The following GSK3B variants were observed in gnomAD, a reference collection of about 807,000 sequenced individuals.
GSK3B encodes the protein glycogen synthase kinase 3 beta.
GSK3B carries 15 observed loss-of-function variants against 56.4 expected under a neutral mutation model. The ratio of observed to expected loss-of-function variants is 0.27; its 90% CI spans 0.18 to 0.41. The LOEUF (loss-of-function observed/expected upper bound fraction) is 0.41, where lower values mean the gene tolerates loss of function less well. Ranked by LOEUF, GSK3B falls within the 10% of genes least tolerant of loss-of-function variation. The pLI is 1.00. For synonymous variants in GSK3B, 181 were observed against 188.9 expected (o/e 0.96, Z 0.34); for missense variants, 300 against 513.4 (o/e 0.58, Z 4.02).
At chr3:119,873,766 G>A (rs1403564139) in intron 8 of GSK3B, among the ~76,000 whole-genome samples, 1 of 151,992 alleles carries the variant, frequency 6.6e-6, no homozygotes, top group Non-Finnish European at 1.5e-5. Context: ...TTACTTTTTT[G>A]TTTACAATCC....
intron 2 of GSK3B, among the ~76,000 whole-genome samples, chr3:119,974,831 G>A (rs940601568): frequency 7.2e-5 from 11 of 152,164 alleles, no homozygotes; most frequent in Admixed American, 7.2e-4. Flanking sequence ...CATCACCAAA[G>A]GACGGTGAGG....
In GSK3B at chr3:120,041,435, C is replaced by T. The variant is rs374482604; in HGVS notation, c.89-39196G>A. The stretch of plus-strand genomic sequence containing the variant: ...CAAAGAAGCCCATGGAAACACATAT[C>T]ATGCATACCTTCAAAAAAGACTTCT... On this transcript the variant is annotated intron_variant, in intron 1 of 10. Transcript: ENST00000264235. 17 of 267,100 alleles carry T rather than the reference C, an allele frequency of 6.4e-5. No homozygotes were observed. In the East Asian group the frequency reaches 1.4e-3, roughly 22 times the overall value. 16.5% of individuals were successfully genotyped at this position (267,100 alleles called of 1,614,324 possible). A position where few individuals can be genotyped will look rare whatever the true frequency, so the allele number is the denominator to read the frequency against.
At chr3:119,951,284 G>A (rs1302852028) in intron 2 of GSK3B, among the ~76,000 whole-genome samples, 1 of 152,200 alleles carries the variant, frequency 6.6e-6, no homozygotes, top group Admixed American at 6.5e-5. Flanking sequence ...AAAAAATGCT[G>A]AAAGTGGCAG....
At chr3:119,977,773 AG>A (rs2057421366) in intron 2 of GSK3B, among the ~76,000 whole-genome samples, 1 of 152,190 alleles carries the variant, frequency 6.6e-6, no homozygotes, top group Non-Finnish European at 1.5e-5. Context: ...TAAAACCAAT[AG>A]GGGGAAAAAA....
rs548807679 is a variant in GSK3B at position 119,975,108 on chromosome 3, A to G, written c.282+26938T>C. On this transcript the variant is annotated intron_variant, in intron 2 of 10. Transcript: ENST00000264235. ...CCCGCAACAGGTAAATGGATGAACAAATTGTGATATATCCATAAATAAAAT... is the reference window on the plus strand; with the variant it reads ...CCCGCAACAGGTAAATGGATGAACAGATTGTGATATATCCATAAATAAAAT... Among the ~76,000 whole-genome samples, 112 of 152,318 alleles carry G rather than the reference A, an allele frequency of 7.4e-4. 2 individuals are homozygous for G. The South Asian group carries it at 0.023, about 31-fold the overall frequency.
chr3:119,872,221 T>C (rs2056258301), intron 8 of GSK3B, among the ~76,000 whole-genome samples: 2 of 152,114 alleles, frequency 1.3e-5, no homozygotes, highest in Non-Finnish European at 2.9e-5. Context: ...GGAAAGAGCC[T>C]GGGTTCAAGA....
chr3:119,866,760 AC>A, intron 8 of GSK3B: 1 of 612,632 alleles, frequency 1.6e-6, no homozygotes, highest in Non-Finnish European at 2.9e-6. Flanking sequence ...AAATGTTTAT[AC>A]AGTTATAAAC....
intron 1 of GSK3B, among the ~76,000 whole-genome samples, chr3:120,011,857 CTATAA>C (rs1333087164): frequency 2.6e-5 from 4 of 152,164 alleles, no homozygotes; most frequent in African/African-American, 9.7e-5. Flanking sequence ...ACATTAATAC[CTATAA>C]TAGATTAATT....
intron 9 of GSK3B, among the ~76,000 whole-genome samples, chr3:119,849,839 A>G (rs896918559): frequency 1.8e-4 from 27 of 151,972 alleles, no homozygotes; most frequent in Non-Finnish European, 3.7e-4. Flanking sequence ...ATTTTTTGAG[A>G]CAGTCTCACT....
At chr3:119,863,367 C>G in intron 9 of GSK3B, 52 bp downstream of exon 9, 1 of 1,389,838 alleles carries the variant, frequency 7.2e-7, no homozygotes, top group Non-Finnish European at 1.0e-6. Context: ...CATTTCACAC[C>G]CAGGGTGTAG....
chr3:120,091,720 C>G (rs543147449), intron 1 of GSK3B, among the ~76,000 whole-genome samples: 38 of 152,078 alleles, frequency 2.5e-4, no homozygotes, highest in African/African-American at 9.2e-4. Flanking sequence ...AAATATTTTT[C>G]AAATCACTCC....
chr3:119,904,196 T>C (rs1396995605), intron 7 of GSK3B, among the ~76,000 whole-genome samples: 1 of 152,200 alleles, frequency 6.6e-6, no homozygotes, highest in African/African-American at 2.4e-5. Flanking sequence ...ATCCTCGATT[T>C]TGCCTTTTGG....
At chr3:119,957,179 T>G (rs761645234) in intron 2 of GSK3B, among the ~76,000 whole-genome samples, 16 of 152,220 alleles carry the variant, frequency 1.1e-4, no homozygotes, top group Non-Finnish European at 1.9e-4. Context: ...TTTATGATAT[T>G]TTCCTTTTAC....
intron 1 of GSK3B, among the ~76,000 whole-genome samples, chr3:120,091,490 C>A (rs2058511768): frequency 6.6e-6 from 1 of 151,976 alleles, no homozygotes; most frequent in Non-Finnish European, 1.5e-5. Flanking sequence ...CAAAGAAAAT[C>A]CTGAAAAGAA....
intron 8 of GSK3B, among the ~76,000 whole-genome samples, chr3:119,871,196 A>G (rs1249803420): frequency 6.6e-6 from 1 of 152,224 alleles, no homozygotes; most frequent in Non-Finnish European, 1.5e-5. Flanking sequence ...GTCAAAAATA[A>G]TTCCTTTGAA....
At chr3:119,892,826 T>A (rs1441491405) in intron 7 of GSK3B, among the ~76,000 whole-genome samples, 1 of 152,122 alleles carries the variant, frequency 6.6e-6, no homozygotes, top group Non-Finnish European at 1.5e-5. Flanking sequence ...CATATGGAAT[T>A]TGGAGTGTTG....
intron 1 of GSK3B, among the ~76,000 whole-genome samples, chr3:120,042,303 G>A (rs2058070316): frequency 6.6e-6 from 1 of 152,072 alleles, no homozygotes; most frequent in South Asian, 2.1e-4. Flanking sequence ...AGAGAGCTCA[G>A]AATAAAAATA....
intron 4 of GSK3B, among the ~76,000 whole-genome samples, chr3:119,917,099 G>A (rs781207423): frequency 1.3e-5 from 2 of 151,946 alleles, no homozygotes; most frequent in Non-Finnish European, 2.9e-5. Context: ...TTTTTGAAAT[G>A]AGTCAAACCA....
At chr3:119,925,119 A>AT (rs1212311439) in intron 3 of GSK3B, among the ~76,000 whole-genome samples, 1 of 152,046 alleles carries the variant, frequency 6.6e-6, no homozygotes, top group Non-Finnish European at 1.5e-5. Context: ...GCTTGAGTTC[A>AT]TGAGTTTGAG....
Sources: allele counts gnomAD v4.1 joint callset (sites outside exome capture counted in the v4.1 genomes callset), GRCh38; gene constraint gnomAD v4.1.1; transcripts MANE v1.5; gene names NCBI Gene and HGNC (gene_info 2026-07-23, HGNC 2026-07-21).